KIF5C: variants seen among roughly 807,000 people sequenced by gnomAD.
KIF5C encodes kinesin heavy chain isoform 5C.
A neutral mutation model predicts 125.2 loss-of-function variants in KIF5C; 18 were observed. That is an observed-to-expected ratio of 0.14 (90% CI 0.10 to 0.21). The LOEUF (loss-of-function observed/expected upper bound fraction) is 0.21, where lower values mean the gene tolerates loss of function less well. Among genes scored for constraint, KIF5C ranks in the 10% least tolerant of loss-of-function variants. The probability of loss-of-function intolerance (pLI) is 1.00; values close to 1 mark genes in which losing one functional copy is unlikely to be tolerated. For synonymous variants in KIF5C, 405 were observed against 434.0 expected, an observed-to-expected ratio of 0.93 and a Z score of 0.83; for missense variants, 780 against 1,183.8, an observed-to-expected ratio of 0.66 and a Z score of 5.01.
At chr2:148,979,120 A>C in intron 13 of KIF5C, 130 bp downstream of exon 13, 1 of 1,244,092 alleles carries the variant, frequency 8.0e-7, no homozygotes, top group Admixed American at 3.9e-5. Flanking sequence ...ATTTCTTGGT[A>C]GATGTCCCTT....
At chr2:149,016,501 A>G (rs1402068388) in intron 25 of KIF5C, among the ~76,000 whole-genome samples, 1 of 152,180 alleles carries the variant, frequency 6.6e-6, no homozygotes, top group Non-Finnish European at 1.5e-5. Context: ...GGTTGAGAGC[A>G]AGAAGAGGAG....
intron 1 of KIF5C, among the ~76,000 whole-genome samples, chr2:148,913,749 C>T (rs376721652): frequency 3.3e-5 from 5 of 152,184 alleles, no homozygotes; most frequent in South Asian, 2.1e-4. Context: ...CCCACCAGGG[C>T]GGTGTACCCC....
At chr2:148,903,681 G>A (rs1680990713) in intron 1 of KIF5C, among the ~76,000 whole-genome samples, 2 of 152,188 alleles carry the variant, frequency 1.3e-5, no homozygotes, top group Non-Finnish European at 2.9e-5. Flanking sequence ...TTATGAGAGA[G>A]CTGCTGCAGT....
At position 149,010,305 on chromosome 2, in the gene KIF5C, C is replaced by A; in HGVS notation, c.2721C>A (p.Ala907=). ...YQQEVDRIKE[A]VRAKNMARRA... ...AGGAGGTGGATCGTATCAAGGAGGCCGTGCGGGCCAAGAACATGGCCAGAA... is the reference window on the plus strand; with the variant it reads ...AGGAGGTGGATCGTATCAAGGAGGCAGTGCGGGCCAAGAACATGGCCAGAA... Residue 907 remains alanine, a synonymous_variant, in exon 24 of 26, where the codon GCC becomes GCA. Transcript: ENST00000435030. 6.3e-7 allele frequency: 1 copy of A among 1,595,506 alleles called. No individual in the cohort carries two copies. The highest frequency in any genetic ancestry group is 8.5e-7 in the Non-Finnish European group (1 of 1,171,468).
chr2:148,928,310 C>T (rs1353715129), intron 2 of KIF5C, among the ~76,000 whole-genome samples: 1 of 152,150 alleles, frequency 6.6e-6, no homozygotes, highest in East Asian at 1.9e-4. Flanking sequence ...AGTGTGGGGT[C>T]CTTCTCCCTG....
intron 1 of KIF5C, chr2:148,878,676 A>G (rs1040115640): frequency 1.3e-5 from 2 of 152,226 alleles, no homozygotes; most frequent in African/African-American, 4.8e-5. Flanking sequence ...GCCATATGCA[A>G]TGAGTAGAAT....
chr2:148,925,463 G>A (rs1681953138), intron 2 of KIF5C, among the ~76,000 whole-genome samples: 1 of 152,166 alleles, frequency 6.6e-6, no homozygotes, highest in Non-Finnish European at 1.5e-5. Context: ...CTTGACATAT[G>A]TTGTTGCATT....
chr2:148,931,228 A>G (rs566512304), intron 3 of KIF5C, among the ~76,000 whole-genome samples: 1 of 152,328 alleles, frequency 6.6e-6, no homozygotes, highest in South Asian at 2.1e-4. Context: ...AATGCTTACA[A>G]TAGTGACCTT....
intron 10 of KIF5C, among the ~76,000 whole-genome samples, chr2:148,956,188 T>G (rs553331770): frequency 6.6e-6 from 1 of 152,268 alleles, no homozygotes; most frequent in Non-Finnish European, 1.5e-5. Flanking sequence ...ATGTGGGTGC[T>G]TAACCTCGGT....
chr2:149,015,004 A>G (rs1003198590), intron 25 of KIF5C, among the ~76,000 whole-genome samples: 8 of 152,164 alleles, frequency 5.3e-5, no homozygotes, highest in African/African-American at 1.9e-4. Context: ...CCTGGCCAAC[A>G]TGGTGAAACA....
chr2:148,976,015 T>C (rs1260205697), intron 12 of KIF5C, among the ~76,000 whole-genome samples: 1 of 152,166 alleles, frequency 6.6e-6, no homozygotes, highest in East Asian at 1.9e-4. Flanking sequence ...AGACACAATG[T>C]GAACAAGTTG....
At chr2:148,878,599 G>T (rs73007563) in intron 1 of KIF5C, 1 of 152,236 alleles carries the variant, frequency 6.6e-6, no homozygotes, top group Non-Finnish European at 1.5e-5. Context: ...CATGTGCCAG[G>T]ATCCTTCCCA....
rs1452452233 is a variant in KIF5C at position 148,924,202 on chromosome 2, C to T, written c.217+1975C>T. ...AGGTACAAGAAAGAACTCCTTGGAA[C>T]AGATGATCAAGTATAGCTGAGGTAT... is the stretch of plus-strand genomic sequence containing the variant. On this transcript the variant is annotated intron_variant, in intron 2 of 25. Coordinates refer to ENST00000435030, the MANE Select transcript of KIF5C (RefSeq NM_004522.3). This position sits in a 1 kb window ranked among gnomAD's most constrained non-coding sequence, Gnocchi z 4.0. Among the ~76,000 whole-genome samples, 1 of 152,188 alleles carries T rather than the reference C, an allele frequency of 6.6e-6. No homozygotes were observed. The highest frequency in any genetic ancestry group is 1.5e-5 in the Non-Finnish European group (1 of 68,024).
Position 148,892,364 on chromosome 2 carries a change from A to G in KIF5C, c.126+16621A>G, listed in dbSNP as rs114032751. Among the ~76,000 whole-genome samples the G allele has an allele frequency of 8.3e-3, 1,266 of 152,346 alleles. 9 individuals carry two copies. The highest frequency in any genetic ancestry group is 0.013 in the Non-Finnish European group (863 of 68,024). On this transcript the variant is annotated intron_variant, in intron 1 of 25. Transcript: ENST00000435030. ...TGGAGGCTGCCTCTTTGAATCAGCA[A>G]TCCTGCAGTAAATGGAATAAGCATA...
intron 10 of KIF5C, among the ~76,000 whole-genome samples, chr2:148,959,239 G>T (rs1219910371): frequency 6.6e-6 from 1 of 151,970 alleles, no homozygotes; most frequent in African/African-American, 2.4e-5. Flanking sequence ...CCTGTTTCTG[G>T]ACAATTTATT....
At chr2:148,949,980 T>C in intron 9 of KIF5C, 37 bp downstream of exon 9, 1 of 1,592,958 alleles carries the variant, frequency 6.3e-7, no homozygotes, top group Non-Finnish European at 8.6e-7. Context: ...AGTAATATTA[T>C]GAGAAACCAC....
intron 10 of KIF5C, among the ~76,000 whole-genome samples, chr2:148,957,592 TAAAAAAAAA>T (rs201033625): frequency 1.4e-5 from 1 of 71,824 alleles, no homozygotes; most frequent in Non-Finnish European, 3.2e-5. Context: ...TTTGTTCTAG[TAAAAAAAAA>T]AAAAAAAAAA....
intron 3 of KIF5C, 25 bp downstream of exon 3, chr2:148,929,379 C>T (rs937047586): frequency 4.2e-6 from 6 of 1,444,266 alleles, no homozygotes; most frequent in Admixed American, 4.0e-5. Context: ...TGCTCTAATG[C>T]GAATCTCTGA....
intron 7 of KIF5C, among the ~76,000 whole-genome samples, chr2:148,945,334 A>G (rs774096002): frequency 6.6e-6 from 1 of 152,180 alleles, no homozygotes; most frequent in Non-Finnish European, 1.5e-5. Context: ...AGGGCCCAAC[A>G]TTAATATATT....
Sources: allele counts gnomAD v4.1 joint callset (sites outside exome capture counted in the v4.1 genomes callset), GRCh38; gene constraint gnomAD v4.1.1; non-coding constraint Gnocchi (gnomAD v3.1); transcripts MANE v1.5; gene names NCBI Gene and HGNC (gene_info 2026-07-23, HGNC 2026-07-21).